Variants in POU6F2 observed in about 807,000 individuals in gnomAD.
POU6F2 encodes POU domain, class 6, transcription factor 2.
A neutral mutation model predicts 71.3 loss-of-function variants in POU6F2; 31 were observed. That is an observed-to-expected ratio of 0.43 (90% confidence interval 0.33 to 0.59). The LOEUF (loss-of-function observed/expected upper bound fraction) is 0.59. Among genes scored for constraint, POU6F2 ranks in the 20% least tolerant of loss-of-function variants. The pLI, the probability that POU6F2 is intolerant of heterozygous loss-of-function variation, is 0.04. For synonymous variants in POU6F2, 347 were observed against 355.7 expected (o/e 0.98, Z 0.27); for missense variants, 783 against 856.8 (o/e 0.91, Z 1.07).
At chr7:39,451,450 TC>T in intron 7 of POU6F2, 82 bp from the exon 8 acceptor site, 1 of 1,347,630 alleles carries the variant, frequency 7.4e-7, no homozygotes, top group South Asian at 1.4e-5. Flanking sequence ...AATGATTCAC[TC>T]CCAGATAAAA....
At chr7:39,093,690 G>A (rs1031969242) in intron 2 of POU6F2, among the ~76,000 whole-genome samples, 3 of 152,040 alleles carry the variant, frequency 2.0e-5, no homozygotes, top group Admixed American at 6.6e-5. Flanking sequence ...AGAAGTTTGT[G>A]AAAGCCAAGA....
chr7:39,043,638 A>C (rs1413916622), intron 1 of POU6F2, among the ~76,000 whole-genome samples: 1 of 152,012 alleles, frequency 6.6e-6, no homozygotes, highest in Non-Finnish European at 1.5e-5. Context: ...TTTTATGACC[A>C]GTAAAGAACA....
At chr7:39,121,542 T>G (rs1225546593) in intron 2 of POU6F2, among the ~76,000 whole-genome samples, 8 of 152,242 alleles carry the variant, frequency 5.3e-5, no homozygotes, top group Admixed American at 4.6e-4. Context: ...TATTTCTCAC[T>G]CATTATCTTG....
intron 2 of POU6F2, among the ~76,000 whole-genome samples, chr7:39,100,903 A>G (rs1791557534): frequency 6.6e-6 from 1 of 152,068 alleles, no homozygotes; most frequent in Non-Finnish European, 1.5e-5. Context: ...AGGTTGGGCT[A>G]CCTCGTACAC....
chr7:39,204,398 T>A, intron 3 of POU6F2, 72 bp downstream of exon 3: 1 of 1,273,034 alleles, frequency 7.9e-7, no homozygotes, highest in Non-Finnish European at 1.1e-6. Context: ...ACCAAATAAA[T>A]AATAATGAGT....
At chr7:39,058,516 G>A (rs534085406) in intron 1 of POU6F2, among the ~76,000 whole-genome samples, 33 of 152,100 alleles carry the variant, frequency 2.2e-4, no homozygotes, top group Non-Finnish European at 4.1e-4. Flanking sequence ...ATACATTTCC[G>A]CTAGAATTTG....
chr7:38,994,353 G>C (rs369805132), intron 1 of POU6F2, among the ~76,000 whole-genome samples: 1 of 152,072 alleles, frequency 6.6e-6, no homozygotes, highest in Non-Finnish European at 1.5e-5. Flanking sequence ...GGAGGGAGGC[G>C]GGAGAAACAG....
intron 1 of POU6F2, among the ~76,000 whole-genome samples, chr7:39,037,999 G>A (rs900002844): frequency 3.3e-5 from 5 of 151,974 alleles, no homozygotes; most frequent in East Asian, 1.9e-4. Context: ...CTTAAAGAAA[G>A]GAGTTCTCAC....
At chr7:39,094,739 T>A (rs1203486896) in intron 2 of POU6F2, among the ~76,000 whole-genome samples, 2 of 152,110 alleles carry the variant, frequency 1.3e-5, no homozygotes, top group Middle Eastern at 6.3e-3. Flanking sequence ...TAATATGATT[T>A]AAAAATGCAA....
chr7:39,414,717 C>CG (rs1158797903), intron 6 of POU6F2, among the ~76,000 whole-genome samples: 1 of 151,898 alleles, frequency 6.6e-6, no homozygotes, highest in African/African-American at 2.4e-5. Context: ...ACCCCGCCCC[C>CG]CCACCACATT....
At chr7:39,271,837 A>G in intron 4 of POU6F2, among the ~76,000 whole-genome samples, 1 of 144,268 alleles carries the variant, frequency 6.9e-6, no homozygotes, top group East Asian at 2.0e-4. Flanking sequence ...TTTTTAAACT[A>G]TAAAAAAAAA....
intron 1 of POU6F2, chr7:38,984,751 G>A (rs569477979): frequency 6.6e-6 from 1 of 152,210 alleles, no homozygotes; most frequent in East Asian, 1.9e-4. Context: ...TTAATATGAT[G>A]TTGACCCTGC....
chr7:39,307,080 A>C (rs1168587140), intron 4 of POU6F2, among the ~76,000 whole-genome samples: 1 of 152,188 alleles, frequency 6.6e-6, no homozygotes, highest in Non-Finnish European at 1.5e-5. Context: ...TGATGGCTTG[A>C]GAGATGTTGA....
At chr7:39,276,040 A>G (rs1784431824) in intron 4 of POU6F2, among the ~76,000 whole-genome samples, 1 of 152,200 alleles carries the variant, frequency 6.6e-6, no homozygotes, top group African/African-American at 2.4e-5. Flanking sequence ...ACAAAAGCCA[A>G]AATTGACAAA....
At chr7:39,287,782 G>A (rs1784676965) in intron 4 of POU6F2, among the ~76,000 whole-genome samples, 1 of 152,204 alleles carries the variant, frequency 6.6e-6, no homozygotes, top group Non-Finnish European at 1.5e-5. Context: ...CCAGACCCCA[G>A]CCAAGACCCA....
At chr7:39,355,813 A>G (rs1204024893) in intron 5 of POU6F2, among the ~76,000 whole-genome samples, 2 of 152,226 alleles carry the variant, frequency 1.3e-5, no homozygotes, top group African/African-American at 4.8e-5. Context: ...TAATATATTA[A>G]AAGCTGACAA....
At chr7:39,048,103 C>CATCA (rs1413322749) in intron 1 of POU6F2, among the ~76,000 whole-genome samples, 1 of 151,910 alleles carries the variant, frequency 6.6e-6, no homozygotes, top group Non-Finnish European at 1.5e-5. Context: ...TGATAGAATT[C>CATCA]ATCAGTGAAG....
intron 7 of POU6F2, among the ~76,000 whole-genome samples, chr7:39,440,070 TC>T (rs1369249622): frequency 6.6e-6 from 1 of 152,240 alleles, no homozygotes; most frequent in African/African-American, 2.4e-5. Context: ...GGGATGGGCT[TC>T]CCTTTGTAGG....
intron 2 of POU6F2, among the ~76,000 whole-genome samples, chr7:39,116,682 G>C (rs571977456): frequency 1.3e-5 from 2 of 152,076 alleles, no homozygotes; most frequent in East Asian, 3.9e-4. Flanking sequence ...AGATGGCTTG[G>C]GTGTTTGATG....
Sources: allele counts gnomAD v4.1 joint callset (sites outside exome capture counted in the v4.1 genomes callset), GRCh38; gene constraint gnomAD v4.1.1; transcripts MANE v1.5; gene names NCBI Gene and HGNC (gene_info 2026-07-23, HGNC 2026-07-21).